HS6ST3: variants seen among roughly 807,000 people sequenced by gnomAD.
The protein encoded by HS6ST3 is heparan-sulfate 6-O-sulfotransferase 3.
A neutral mutation model predicts 36.7 loss-of-function variants in HS6ST3; 12 were observed. The ratio of observed to expected loss-of-function variants is 0.33; its 90% CI spans 0.21 to 0.53. The LOEUF is 0.53. Among genes scored for constraint, HS6ST3 ranks in the 20% least tolerant of loss-of-function variants. The probability of loss-of-function intolerance (pLI) is 0.95; values close to 1 mark genes in which losing one functional copy is unlikely to be tolerated. For missense variants in HS6ST3, 584 were observed against 640.9 expected (o/e 0.91, Z 0.96); for synonymous variants, 240 against 257.5 (o/e 0.93, Z 0.65).
chr13:96,150,558 T>C (rs991659900), intron 1 of HS6ST3, among the ~76,000 whole-genome samples: 3 of 152,154 alleles, frequency 2.0e-5, no homozygotes, highest in African/African-American at 7.2e-5. Context: ...GGAGATAGAT[T>C]TCCAGCGAAG....
chr13:96,332,047 G>A (rs972623146), intron 1 of HS6ST3, among the ~76,000 whole-genome samples: 1 of 152,174 alleles, frequency 6.6e-6, no homozygotes, highest in Non-Finnish European at 1.5e-5. Flanking sequence ...GGCTCGCGCA[G>A]GGTGCACGCA....
chr13:96,545,859 G>A (rs1049797682), intron 1 of HS6ST3, among the ~76,000 whole-genome samples: 3 of 152,112 alleles, frequency 2.0e-5, no homozygotes, highest in Non-Finnish European at 4.4e-5. Context: ...CTGGGAAACA[G>A]GAAGTAGAAA....
At chr13:96,676,106 A>G (rs2056698073) in intron 1 of HS6ST3, among the ~76,000 whole-genome samples, 1 of 152,192 alleles carries the variant, frequency 6.6e-6, no homozygotes, top group African/African-American at 2.4e-5. Context: ...TAGGGCTGTC[A>G]TAACAAATCT....
intron 1 of HS6ST3, among the ~76,000 whole-genome samples, chr13:96,821,215 A>G (rs1878527502): frequency 6.6e-6 from 1 of 152,228 alleles, no homozygotes; most frequent in Non-Finnish European, 1.5e-5. Context: ...AAAGTAGAAC[A>G]GAGGCCCTGT....
chr13:96,592,092 G>C (rs1300170678), intron 1 of HS6ST3, among the ~76,000 whole-genome samples: 1 of 151,892 alleles, frequency 6.6e-6, no homozygotes, highest in Non-Finnish European at 1.5e-5. Flanking sequence ...TGTTGAATTT[G>C]GTTTGCTAGC....
In HS6ST3 at chr13:96,241,307, C is replaced by T. The variant is rs376279987; in HGVS notation, c.707+149738C>T. Among the ~76,000 whole-genome samples, 10 of 151,946 alleles carry T rather than the reference C, an allele frequency of 6.6e-5. No individual in the cohort carries two copies. The South Asian group carries it at 1.9e-3, about 28-fold the overall frequency. The stretch of plus-strand genomic sequence containing the variant: ...AATACAACTCCTTCCATTTCTATCA[C>T]CTGTTTGTGTAAAAAATGTTCTAGG... On this transcript the variant is annotated intron_variant, in intron 1 of 1. Transcript: ENST00000376705.
intron 1 of HS6ST3, among the ~76,000 whole-genome samples, chr13:96,356,649 A>G (rs927168180): frequency 6.6e-6 from 1 of 152,202 alleles, no homozygotes; most frequent in African/African-American, 2.4e-5. Flanking sequence ...ATTTGATGTC[A>G]TCCACGCTTT....
At chr13:96,420,013 A>G (rs1464173791) in intron 1 of HS6ST3, among the ~76,000 whole-genome samples, 1 of 152,328 alleles carries the variant, frequency 6.6e-6, no homozygotes, top group East Asian at 1.9e-4. Flanking sequence ...TGAAAGAGTT[A>G]TGCTATCATT....
At chr13:96,585,446 A>G (rs992145259) in intron 1 of HS6ST3, among the ~76,000 whole-genome samples, 3 of 152,190 alleles carry the variant, frequency 2.0e-5, no homozygotes, top group South Asian at 2.1e-4. Flanking sequence ...TAATTAACAT[A>G]TCCATTATCT....
At chr13:96,551,572 A>G (rs1260611412) in intron 1 of HS6ST3, among the ~76,000 whole-genome samples, 1 of 152,240 alleles carries the variant, frequency 6.6e-6, no homozygotes, top group Non-Finnish European at 1.5e-5. Flanking sequence ...AAATAAACAC[A>G]AAGTCATTAA....
chr13:96,254,898 A>G (rs2054629466), intron 1 of HS6ST3, among the ~76,000 whole-genome samples: 1 of 152,168 alleles, frequency 6.6e-6, no homozygotes, highest in Admixed American at 6.5e-5. Flanking sequence ...GACTAGCATG[A>G]TTTTTGACCT....
intron 1 of HS6ST3, among the ~76,000 whole-genome samples, chr13:96,479,437 A>G (rs2055880044): frequency 6.6e-6 from 1 of 152,218 alleles, no homozygotes; most frequent in South Asian, 2.1e-4. Context: ...ATGGGGAATC[A>G]TTGAATGATT....
chr13:96,769,509 G>A (rs1741055834), intron 1 of HS6ST3, among the ~76,000 whole-genome samples: 1 of 135,826 alleles, frequency 7.4e-6, no homozygotes, highest in Middle Eastern at 5.0e-3. Context: ...TGTTAATGCA[G>A]ACATACATTC....
intron 1 of HS6ST3, among the ~76,000 whole-genome samples, chr13:96,128,860 T>TC (rs2053963655): frequency 6.6e-6 from 1 of 151,820 alleles, no homozygotes; most frequent in African/African-American, 2.4e-5. Context: ...TGTGCTTTTT[T>TC]TTTTTGGCGG....
At chr13:96,270,142 A>G (rs1393404594) in intron 1 of HS6ST3, among the ~76,000 whole-genome samples, 3 of 151,822 alleles carry the variant, frequency 2.0e-5, no homozygotes, top group Non-Finnish European at 4.4e-5. Context: ...CAGAGACACC[A>G]CAGTGTGCTC....
intron 1 of HS6ST3, among the ~76,000 whole-genome samples, chr13:96,244,577 C>A (rs1414179470): frequency 1.3e-5 from 2 of 152,080 alleles, no homozygotes; most frequent in Admixed American, 1.3e-4. Flanking sequence ...CAATACAAAG[C>A]AAACTGAGTT....
intron 1 of HS6ST3, among the ~76,000 whole-genome samples, chr13:96,789,554 A>G (rs1244789793): frequency 4.0e-5 from 6 of 151,562 alleles, no homozygotes; most frequent in Non-Finnish European, 7.4e-5. Context: ...CACTCATATC[A>G]TTTTGTTTTT....
intron 1 of HS6ST3, among the ~76,000 whole-genome samples, chr13:96,781,080 T>C (rs1428621659): frequency 6.6e-6 from 1 of 152,230 alleles, no homozygotes; most frequent in Middle Eastern, 3.2e-3. Flanking sequence ...TGTGTCTGTC[T>C]AACTATGAAG....
chr13:96,761,670 T>A (rs1876974227), intron 1 of HS6ST3, among the ~76,000 whole-genome samples: 1 of 152,176 alleles, frequency 6.6e-6, no homozygotes, highest in African/African-American at 2.4e-5. Flanking sequence ...TCTTCACAAT[T>A]TTATTTCATA....
Sources: gnomAD v4.1 joint callset for allele counts (sites outside exome capture counted in the v4.1 genomes callset) on GRCh38, gnomAD v4.1.1 for gene constraint, MANE v1.5 for transcripts, NCBI Gene and HGNC (gene_info 2026-07-23, HGNC 2026-07-21) for gene names.